GRID2: variants seen among roughly 807,000 people sequenced by gnomAD.
GRID2 encodes the protein glutamate receptor ionotropic, delta-2.
A neutral mutation model predicts 114.8 loss-of-function variants in GRID2; 33 were observed. That is an observed-to-expected ratio of 0.29 (90% confidence interval 0.22 to 0.38). The LOEUF (loss-of-function observed/expected upper bound fraction) is 0.38, where lower values mean the gene tolerates loss of function less well. GRID2 is among the 10% of genes least tolerant of loss of function. The pLI, the probability that GRID2 is intolerant of heterozygous loss-of-function variation, is 1.00. For missense variants in GRID2, 1,184 were observed against 1,257.7 expected (o/e 0.94, Z 0.89); for synonymous variants, 505 against 449.9 (o/e 1.12, Z -1.55).
intron 1 of GRID2, among the ~76,000 whole-genome samples, chr4:92,487,567 A>G (rs1158507832): frequency 6.6e-6 from 1 of 152,116 alleles, no homozygotes; most frequent in African/African-American, 2.4e-5. Flanking sequence ...TATCCAATAA[A>G]TAACTACATT....
At chr4:93,291,796 T>G (rs1476520573) in intron 8 of GRID2, among the ~76,000 whole-genome samples, 1 of 152,156 alleles carries the variant, frequency 6.6e-6, no homozygotes, top group Non-Finnish European at 1.5e-5. Flanking sequence ...CTTTTTTAAT[T>G]GACAAAAATT....
chr4:92,393,013 G>T (rs1560603771), intron 1 of GRID2, among the ~76,000 whole-genome samples: 1 of 152,170 alleles, frequency 6.6e-6, no homozygotes, highest in Non-Finnish European at 1.5e-5. Flanking sequence ...AGGAAGCATG[G>T]CAACATCTGC....
chr4:93,734,429 C>G (rs1295644367), intron 14 of GRID2, among the ~76,000 whole-genome samples: 1 of 151,928 alleles, frequency 6.6e-6, no homozygotes, highest in Non-Finnish European at 1.5e-5. Flanking sequence ...GCAAGATTGT[C>G]AGTAGTGAAT....
Position 93,110,847 on chromosome 4 carries a change from C to A in GRID2, c.629C>A (p.Thr210Asn). Residue 210 changes from threonine to asparagine, a missense_variant, in exon 4 of 16, where the codon ACT becomes AAT. Thr to Asn is a moderately conservative substitution (Grantham distance 65, BLOSUM62 0). This residue lies in a region of GRID2 where 455 missense variants were observed against 429.5 expected (regional missense o/e 1.06). Coordinates refer to ENST00000282020, the MANE Select transcript of GRID2 (RefSeq NM_001510.4). ...AACAACATCAATAAAATGATTACCA[C>A]TCTCTTTGACACCATGAGAATAGAA... ...VENNINKMITTLFDTMRIEEL... is the reference protein window; with the variant it reads ...VENNINKMITNLFDTMRIEEL... 1.2e-6 allele frequency: 2 copies of A among 1,608,528 alleles called. No individual in the cohort carries two copies. The highest frequency in any genetic ancestry group is 1.7e-6 in the Non-Finnish European group (2 of 1,174,890).
intron 1 of GRID2, among the ~76,000 whole-genome samples, chr4:92,407,676 T>C (rs1406370926): frequency 6.6e-6 from 1 of 152,118 alleles, no homozygotes; most frequent in Non-Finnish European, 1.5e-5. Flanking sequence ...ATTTCTCTGA[T>C]GATAAGTGAT....
intron 10 of GRID2, among the ~76,000 whole-genome samples, chr4:93,452,752 T>C (rs1259148047): frequency 6.6e-6 from 1 of 152,128 alleles, no homozygotes; most frequent in East Asian, 1.9e-4. Flanking sequence ...TTGTAAAAAG[T>C]GGACAAGTGA....
chr4:93,553,202 CA>C (rs1733954139), intron 13 of GRID2, among the ~76,000 whole-genome samples: 1 of 152,144 alleles, frequency 6.6e-6, no homozygotes, highest in Non-Finnish European at 1.5e-5. Context: ...CTTGAGGAAT[CA>C]CCACACTGTG....
At chr4:92,874,624 G>C (rs1285967017) in intron 2 of GRID2, among the ~76,000 whole-genome samples, 6 of 152,128 alleles carry the variant, frequency 3.9e-5, no homozygotes, top group Admixed American at 2.0e-4. Context: ...TACAACATTT[G>C]TATGTATGAG....
chr4:93,193,229 G>A (rs1425392679), intron 4 of GRID2, among the ~76,000 whole-genome samples: 1 of 152,108 alleles, frequency 6.6e-6, no homozygotes, highest in Non-Finnish European at 1.5e-5. Context: ...ACAGTTGTCA[G>A]CCCATCTCCT....
chr4:93,202,365 C>A, intron 4 of GRID2, among the ~76,000 whole-genome samples: 1 of 151,898 alleles, frequency 6.6e-6, no homozygotes, highest in Non-Finnish European at 1.5e-5. Flanking sequence ...TAATGATGTG[C>A]CTAGATATTA....
intron 4 of GRID2, among the ~76,000 whole-genome samples, chr4:93,127,019 C>T (rs1232708360): frequency 1.3e-5 from 2 of 152,190 alleles, no homozygotes; most frequent in Non-Finnish European, 2.9e-5. Context: ...TTGTGTGACA[C>T]TGCTAATCAC....
intron 8 of GRID2, among the ~76,000 whole-genome samples, chr4:93,328,993 C>G (rs1427176695): frequency 1.3e-5 from 2 of 152,062 alleles, no homozygotes; most frequent in Non-Finnish European, 2.9e-5. Context: ...TTAGTACCTA[C>G]TATAGTCCTT....
intron 1 of GRID2, among the ~76,000 whole-genome samples, chr4:92,471,491 A>G (rs573163900): frequency 4.1e-4 from 63 of 152,184 alleles, no homozygotes; most frequent in African/African-American, 1.3e-3. Flanking sequence ...CTCCTATATC[A>G]TACTGCCTGG....
intron 12 of GRID2, among the ~76,000 whole-genome samples, chr4:93,511,908 A>T (rs532415218): frequency 3.2e-4 from 48 of 151,560 alleles, no homozygotes; most frequent in Non-Finnish European, 6.0e-4. Flanking sequence ...CAGCCTCCTG[A>T]GTATCTGGGA....
At chr4:93,480,298 G>T (rs1725723768) in intron 11 of GRID2, among the ~76,000 whole-genome samples, 1 of 151,904 alleles carries the variant, frequency 6.6e-6, no homozygotes, top group Admixed American at 6.6e-5. Context: ...ATCAAAAAAT[G>T]CTACCTTGAC....
At chr4:92,894,322 T>A (rs920699807) in intron 2 of GRID2, among the ~76,000 whole-genome samples, 3 of 152,148 alleles carry the variant, frequency 2.0e-5, no homozygotes, top group Admixed American at 6.5e-5. Context: ...AGTGACTGAA[T>A]ATGATATTTT....
chr4:93,339,135 A>G (rs1200758630), intron 8 of GRID2, among the ~76,000 whole-genome samples: 2 of 152,174 alleles, frequency 1.3e-5, no homozygotes, highest in Non-Finnish European at 2.9e-5. Context: ...TATTGTTGCT[A>G]ACAAGACCAC....
intron 2 of GRID2, among the ~76,000 whole-genome samples, chr4:92,914,545 CT>C (rs1426949756): frequency 4.6e-5 from 7 of 152,056 alleles, no homozygotes; most frequent in African/African-American, 1.2e-4. Flanking sequence ...TCATTAGTTA[CT>C]TTTCCTGATC....
intron 2 of GRID2, among the ~76,000 whole-genome samples, chr4:92,973,471 G>A (rs1288520570): frequency 6.6e-6 from 1 of 152,126 alleles, no homozygotes; most frequent in Middle Eastern, 3.2e-3. Context: ...TATTGCTAAA[G>A]AGAATTCAGT....
Sources: gnomAD v4.1 joint callset for allele counts (sites outside exome capture counted in the v4.1 genomes callset) on GRCh38, gnomAD v4.1.1 for gene constraint, gnomAD v4.1.1 regional missense constraint, MANE v1.5 for transcripts, NCBI Gene and HGNC (gene_info 2026-07-23, HGNC 2026-07-21) for gene names.